PPARGC1A: variants seen among roughly 807,000 people sequenced by gnomAD.
PPARGC1A encodes peroxisome proliferator-activated receptor gamma coactivator 1-alpha.
In PPARGC1A, 25 loss-of-function variants were observed where a neutral mutation model predicts 88.7. The observed-to-expected ratio is 0.28, with a 90% confidence interval of 0.21 to 0.39. The LOEUF (loss-of-function observed/expected upper bound fraction) is 0.39, where lower values mean the gene tolerates loss of function less well. Among genes scored for constraint, PPARGC1A ranks in the 10% least tolerant of loss-of-function variants. The probability of loss-of-function intolerance (pLI) is 1.00; values close to 1 mark genes in which losing one functional copy is unlikely to be tolerated. For synonymous variants in PPARGC1A, 363 were observed against 355.6 expected (o/e 1.02, Z -0.24); for missense variants, 880 against 968.7 (o/e 0.91, Z 1.22).
At chr4:24,421,150 CAACA>C in the PPARGC1A span, among the ~76,000 whole-genome samples, 58 of 152,072 alleles carry the variant, frequency 3.8e-4, no homozygotes, top group African/African-American at 1.2e-3. Flanking sequence ...TTAGAAAAAA[CAACA>C]AACAAACAAA....
At chr4:24,068,837 A>G in the PPARGC1A span, among the ~76,000 whole-genome samples, 1 of 151,832 alleles carries the variant, frequency 6.6e-6, no homozygotes, top group Admixed American at 6.6e-5. Flanking sequence ...GAGAGAGTTC[A>G]CTCTCATCAT....
intron 12 of PPARGC1A, 79 bp from the exon 13 acceptor site, chr4:23,796,004 G>A (rs1003523714): frequency 1.3e-5 from 13 of 970,518 alleles, no homozygotes; most frequent in Non-Finnish European, 2.1e-5. Context: ...CAAGATTACT[G>A]GATTCGATAA....
At chr4:24,363,210 A>G in the PPARGC1A span, among the ~76,000 whole-genome samples, 1 of 152,202 alleles carries the variant, frequency 6.6e-6, no homozygotes. Context: ...CGGTTATAGA[A>G]CACATTTCAT....
chr4:23,984,141 T>G, the PPARGC1A span, among the ~76,000 whole-genome samples: 5 of 152,106 alleles, frequency 3.3e-5, no homozygotes, highest in Admixed American at 2.0e-4. Flanking sequence ...TCTCATATCT[T>G]CTGGACATCC....
upstream of PPARGC1A, among the ~76,000 whole-genome samples, chr4:23,906,335 G>A (rs1191602860): frequency 4.0e-5 from 6 of 151,778 alleles, no homozygotes; most frequent in South Asian, 2.1e-4. Context: ...TTTTCCAGCC[G>A]GGCGCGGTGG....
chr4:24,271,349 G>A, the PPARGC1A span, among the ~76,000 whole-genome samples: 1 of 149,744 alleles, frequency 6.7e-6, no homozygotes, highest in East Asian at 2.0e-4. Context: ...ATGAGATTTG[G>A]AGTCATTCTT....
the PPARGC1A span, among the ~76,000 whole-genome samples, chr4:24,200,369 G>C: frequency 2.0e-5 from 3 of 151,968 alleles, no homozygotes; most frequent in African/African-American, 7.2e-5. Context: ...AAATTAGCCA[G>C]GAATGGTGGT....
At chr4:24,250,171 G>A in the PPARGC1A span, among the ~76,000 whole-genome samples, 2 of 152,156 alleles carry the variant, frequency 1.3e-5, no homozygotes, top group Non-Finnish European at 2.9e-5. Flanking sequence ...GAGCCTGCAG[G>A]GCAGGCACGC....
intron 7 of PPARGC1A, chr4:23,820,641 G>A (rs1275902941): frequency 2.3e-6 from 1 of 439,172 alleles, no homozygotes; most frequent in Non-Finnish European, 4.6e-6. Flanking sequence ...TTTTACACCT[G>A]TAAAAGAGAA....
At chr4:24,054,302 T>C in the PPARGC1A span, among the ~76,000 whole-genome samples, 1 of 123,186 alleles carries the variant, frequency 8.1e-6, no homozygotes, top group African/African-American at 3.1e-5. Context: ...CTTAATATCC[T>C]TCTTGTAAAA....
chr4:24,226,579 T>C, the PPARGC1A span, among the ~76,000 whole-genome samples: 1 of 152,222 alleles, frequency 6.6e-6, no homozygotes, highest in Non-Finnish European at 1.5e-5. Context: ...GAAAGCTATC[T>C]CGCAGCCTTT....
chr4:24,025,299 G>A, the PPARGC1A span, among the ~76,000 whole-genome samples: 1 of 152,114 alleles, frequency 6.6e-6, no homozygotes, highest in African/African-American at 2.4e-5. Context: ...TATTAACACA[G>A]AACTTCAAAT....
At chr4:24,081,840 G>T in the PPARGC1A span, among the ~76,000 whole-genome samples, 1 of 151,660 alleles carries the variant, frequency 6.6e-6, no homozygotes, top group East Asian at 1.9e-4. Flanking sequence ...TTGTGTTTCT[G>T]ACCTAGGTTT....
chr4:23,856,777 A>G (rs1018314029), intron 2 of PPARGC1A, among the ~76,000 whole-genome samples: 4 of 151,862 alleles, frequency 2.6e-5, no homozygotes, highest in Non-Finnish European at 5.9e-5. Context: ...CATACTGGGG[A>G]GCCAATAACA....
At chr4:24,412,670 CG>C in the PPARGC1A span, among the ~76,000 whole-genome samples, 1 of 152,078 alleles carries the variant, frequency 6.6e-6, no homozygotes, top group African/African-American at 2.4e-5. Flanking sequence ...TTAGTGGAGA[CG>C]GGGTTTCACT....
At chr4:24,375,276 T>C in the PPARGC1A span, among the ~76,000 whole-genome samples, 2 of 152,166 alleles carry the variant, frequency 1.3e-5, no homozygotes, top group Admixed American at 1.3e-4. Flanking sequence ...AAATGATACA[T>C]TGATCCATGT....
the PPARGC1A span, among the ~76,000 whole-genome samples, chr4:24,149,380 T>C: frequency 6.6e-6 from 1 of 151,990 alleles, no homozygotes; most frequent in Non-Finnish European, 1.5e-5. Flanking sequence ...AAGATTTTAA[T>C]AACTAGCATC....
the PPARGC1A span, among the ~76,000 whole-genome samples, chr4:23,946,973 C>G: frequency 1.1e-4 from 17 of 152,080 alleles, no homozygotes; most frequent in Non-Finnish European, 2.2e-4. Context: ...CATGCACTAT[C>G]TGCCTCTGGC....
At chr4:24,082,687 T>C in the PPARGC1A span, among the ~76,000 whole-genome samples, 13,502 of 152,214 alleles carry the variant, frequency 0.089, 895 homozygotes, top group Non-Finnish European at 0.13. Flanking sequence ...GAGCTGCCTG[T>C]TGCCCTCGAC....
Sources: allele counts gnomAD v4.1 joint callset (sites outside exome capture counted in the v4.1 genomes callset), GRCh38; gene constraint gnomAD v4.1.1; transcripts MANE v1.5; gene names NCBI Gene and HGNC (gene_info 2026-07-23, HGNC 2026-07-21).